CD59: variants seen among roughly 807,000 people sequenced by gnomAD.
CD59 encodes the protein CD59 molecule (CD59 blood group).
Under a neutral mutation model 7.0 loss-of-function variants are expected in CD59, and 3 were observed. The ratio of observed to expected loss-of-function variants is 0.43; its 90% CI spans 0.19 to 1.10. The LOEUF is 1.10. CD59 is among the 50% of genes least tolerant of loss of function. CD59 has a pLI of 0.29. For missense variants in CD59, 143 were observed against 151.0 expected (o/e 0.95, Z 0.28); for synonymous variants, 60 against 62.0 (o/e 0.97, Z 0.15).
At chr11:33,723,056 G>T in intron 1 of CD59, 1 of 715,018 alleles carries the variant, frequency 1.4e-6, no homozygotes, top group Non-Finnish European at 1.7e-6. Context: ...AGCATCAGGT[G>T]AGAAGAAGGA....
intron 1 of CD59, among the ~76,000 whole-genome samples, chr11:33,725,637 G>A (rs990829066): frequency 2.0e-5 from 3 of 152,154 alleles, no homozygotes; most frequent in African/African-American, 4.8e-5. Flanking sequence ...AGTCATTTCC[G>A]TAATGGGAGC....
intron 3 of CD59, among the ~76,000 whole-genome samples, chr11:33,714,193 G>A (rs772687788): frequency 9.2e-5 from 14 of 152,136 alleles, no homozygotes; most frequent in South Asian, 2.1e-4. Flanking sequence ...ACGTCATAGC[G>A]TGTAGTTACA....
rs1448550366 is a variant in CD59 at position 33,717,479 on chromosome 11, C to G, written c.68-8G>C. The G allele has an allele frequency of 1.3e-6, 2 of 1,581,594 alleles. No individual in the cohort carries two copies. The highest frequency in any genetic ancestry group is 1.1e-5 in the South Asian group (1 of 90,260). On this transcript the variant is annotated splice_polypyrimidine_tract_variant and splice_region_variant and intron_variant, in intron 2 of 3. Coordinates refer to ENST00000642928, the MANE Select transcript of CD59 (RefSeq NM_000611.6). ...AGCACTGCAGGCTATGACCTAGAAT[C>G]AGGAAGAAAGTCAGGATCTCTTAAA...
chr11:33,723,931 T>C (rs1854173896), intron 1 of CD59, among the ~76,000 whole-genome samples: 1 of 151,978 alleles, frequency 6.6e-6, no homozygotes, highest in African/African-American at 2.4e-5. Context: ...AGACCCTGTC[T>C]CTACAAAAAT....
intron 3 of CD59, among the ~76,000 whole-genome samples, 155 bp from the exon 4 acceptor site, chr11:33,710,498 T>C (rs1346068139): frequency 6.6e-6 from 1 of 152,136 alleles, no homozygotes; most frequent in Non-Finnish European, 1.5e-5. Context: ...AACAATTAAG[T>C]AAATAATGAT....
At position 33,710,127 on chromosome 11, in the gene CD59, T is replaced by A. The variant is rs1474572851; in HGVS notation, c.386A>T (p.Ter129LeuextTer15). ...GGGAGAAGCTCTCCTGGTGTTGACT[T>A]AGGGATGAAGGCTCCAGGCTGCTGC... ...FLAAAWSLHP[*>L] Residue 129 changes from the stop codon to leucine (L), a stop_lost, in exon 4 of 4, where the codon TAA (stop) becomes TTA (leucine). Transcript: ENST00000642928. 1 of 1,611,114 alleles carries A rather than the reference T, an allele frequency of 6.2e-7. No individual in the cohort carries two copies. Among genetic ancestry groups the A allele is most frequent in the Non-Finnish European group, 8.5e-7 (1 of 1,178,202 alleles).
chr11:33,722,403 C>T lies in CD59; in HGVS notation c.43G>A (p.Val15Ile), dbSNP rs971343343. 35 of 1,613,786 alleles carry T rather than the reference C, an allele frequency of 2.2e-5. No individual in the cohort carries two copies. Among genetic ancestry groups the T allele is most frequent in the Admixed American group, 3.3e-5 (2 of 59,994 alleles). The part of the protein sequence containing the change: ...GGSVLFGLLL[V>I]LAVFCHSGHS... The stretch of plus-strand genomic sequence containing the variant: ...CCTGAATGGCAGAAGACAGCCAGGA[C>T]GAGCAGCAGCCCGAACAGGACAGAC... Residue 15 changes from valine (V) to isoleucine (I), a missense_variant, in exon 2 of 4, where the codon GTC becomes ATC. Val to Ile is a conservative substitution (Grantham distance 29). Transcript: ENST00000642928.
chr11:33,735,988 G>A (rs1368495660), intron 1 of CD59, among the ~76,000 whole-genome samples: 1 of 152,182 alleles, frequency 6.6e-6, no homozygotes, highest in African/African-American at 2.4e-5. Flanking sequence ...GGGGAGAGAG[G>A]AACTGCCGTG....
intron 3 of CD59, among the ~76,000 whole-genome samples, chr11:33,714,241 A>C (rs1245014616): frequency 6.6e-6 from 1 of 152,244 alleles, no homozygotes. Flanking sequence ...CACTCAGGCT[A>C]TGTGGTATGT....
At chr11:33,723,096 C>A (rs763400128) in intron 1 of CD59, 1 of 355,880 alleles carries the variant, frequency 2.8e-6, no homozygotes, top group Non-Finnish European at 4.0e-6. Context: ...CCCTACTTTA[C>A]CCAGTAAAGA....
chr11:33,734,281 T>A (rs1327621236), intron 1 of CD59, among the ~76,000 whole-genome samples: 1 of 152,230 alleles, frequency 6.6e-6, no homozygotes, highest in Non-Finnish European at 1.5e-5. Context: ...GCCAAGGTTC[T>A]CATGCCAGGA....
At chr11:33,733,030 T>TC (rs1854463137) in intron 1 of CD59, among the ~76,000 whole-genome samples, 1 of 152,112 alleles carries the variant, frequency 6.6e-6, no homozygotes, top group Non-Finnish European at 1.5e-5. Context: ...CACGAAGGGT[T>TC]CCCTAAGCCA....
chr11:33,735,465 C>G (rs1434967233), intron 1 of CD59, among the ~76,000 whole-genome samples: 2 of 152,134 alleles, frequency 1.3e-5, no homozygotes, highest in East Asian at 1.9e-4. Context: ...GGCGGAGTCT[C>G]GCTCTTATTG....
rs781050268 is a variant in CD59, at chr11:33,710,183, T to C, written c.330A>G (p.Lys110=). Residue 110 remains lysine, a synonymous_variant, in exon 4 of 4, where the codon AAA becomes AAG. Coordinates refer to ENST00000642928, the MANE Select transcript of CD59 (RefSeq NM_000611.6). ...LENGGTSLSE[K]TVLLLVTPFL... is the part of the protein sequence containing the mutation. ...ATGGAGTCACCAGCAGAAGAACTGT[T>C]TTCTCTGATAAGGATGTCCCACCAT... 1 of 1,614,094 alleles carries C rather than the reference T, an allele frequency of 6.2e-7. No homozygotes were observed. Among genetic ancestry groups the C allele is most frequent in the South Asian group, 1.1e-5 (1 of 91,080 alleles).
chr11:33,727,934 A>T (rs1026686519), intron 1 of CD59, among the ~76,000 whole-genome samples: 3 of 152,204 alleles, frequency 2.0e-5, no homozygotes, highest in Admixed American at 6.5e-5. Flanking sequence ...CTATAAAAAG[A>T]ATAAAATACC....
Position 33,704,361 on chromosome 11 carries a change from G to T in CD59, c.*5765C>A, listed in dbSNP as rs1264386586. ...ACAACTAGTAGGTGGTCATTGGAGTGTGGCTACAGTTATTATACAGTTACA... is the reference window on the plus strand; with the variant it reads ...ACAACTAGTAGGTGGTCATTGGAGTTTGGCTACAGTTATTATACAGTTACA... On this transcript the variant is annotated 3_prime_UTR_variant, in exon 4 of 4. Coordinates refer to ENST00000642928, the MANE Select transcript of CD59 (RefSeq NM_000611.6). The T allele has an allele frequency of 6.6e-6, 1 of 152,128 alleles. No homozygotes were observed. Among genetic ancestry groups the T allele is most frequent in the East Asian group, 1.9e-4 (1 of 5,190 alleles). 9.4% of individuals were successfully genotyped at this position (152,128 alleles called of 1,614,324 possible). A position where few individuals can be genotyped will look rare whatever the true frequency, so the allele number is the denominator to read the frequency against.
Position 33,709,788 on chromosome 11 carries a change from A to C in CD59, c.*338T>G. The C allele has an allele frequency of 2.3e-6, 1 of 435,186 alleles. No homozygotes were observed. The allele number at this position is 435,186 out of a possible 1,614,324, so 27.0% of individuals were successfully genotyped here. ...TAATGATGCTAACTGACTACATCCA[A>C]GGAGCCAGAGGAAAAATAATCTGAG... On this transcript the variant is annotated 3_prime_UTR_variant, in exon 4 of 4. Coordinates refer to ENST00000642928, the MANE Select transcript of CD59 (RefSeq NM_000611.6).
chr11:33,703,652 G>A lies in CD59; in HGVS notation c.*6474C>T, dbSNP rs1424376708. Reference sequence around the variant, plus strand: ...CCTCTACCTTAAGCTTACCCAGCGTGAGGCCAGGTTAGAAAGTCACAGGCC... The same window carrying A: ...CCTCTACCTTAAGCTTACCCAGCGTAAGGCCAGGTTAGAAAGTCACAGGCC... On this transcript the variant is annotated 3_prime_UTR_variant, in exon 4 of 4. Coordinates refer to ENST00000642928, the MANE Select transcript of CD59 (RefSeq NM_000611.6). 1 of 152,242 alleles carries A rather than the reference G, an allele frequency of 6.6e-6. No homozygotes were observed. Among genetic ancestry groups the A allele is most frequent in the Non-Finnish European group, 1.5e-5 (1 of 68,032 alleles). 9.4% of individuals were successfully genotyped at this position (152,242 alleles called of 1,614,324 possible). A position where few individuals can be genotyped will look rare whatever the true frequency, so the allele number is the denominator to read the frequency against.
rs115861037 is a variant in CD59, at chr11:33,730,393, G to A, written c.-19+5989C>T. ...CACACCACTGCACTCCCACCTGGGC[G>A]ACAGAGTAAGACCCTGTCTCAAAAA... On this transcript the variant is annotated intron_variant, in intron 1 of 3. Transcript: ENST00000642928. Among the ~76,000 whole-genome samples, 458 of 152,244 alleles carry A rather than the reference G, an allele frequency of 3.0e-3. 1 individual carries two copies. The highest frequency in any genetic ancestry group is 0.011 in the African/African-American group (444 of 41,540).
Sources: allele counts gnomAD v4.1 joint callset (sites outside exome capture counted in the v4.1 genomes callset), GRCh38; gene constraint gnomAD v4.1.1; transcripts MANE v1.5; gene names NCBI Gene and HGNC (gene_info 2026-07-23, HGNC 2026-07-21).